WASF3: variants seen among roughly 807,000 people sequenced by gnomAD.
WASF3 encodes the protein WASP family member 3, also known as actin-binding protein WASF3.
A neutral mutation model predicts 46.6 loss-of-function variants in WASF3; 11 were observed. The observed-to-expected ratio is 0.24, with a 90% CI of 0.15 to 0.39. WASF3 has a LOEUF of 0.39. Among genes scored for constraint, WASF3 ranks in the 10% least tolerant of loss-of-function variants. WASF3 has a pLI of 1.00. For missense variants in WASF3, 576 were observed against 669.8 expected, an observed-to-expected ratio of 0.86 and a Z score of 1.55; for synonymous variants, 242 against 259.7, an observed-to-expected ratio of 0.93 and a Z score of 0.65.
At chr13:26,664,951 A>G in intron 3 of WASF3, 77 bp from the exon 4 acceptor site, 2 of 1,449,694 alleles carry the variant, frequency 1.4e-6, no homozygotes, top group Non-Finnish European at 1.9e-6. Context: ...GACAGGAATA[A>G]GCACTGGTGA....
intron 2 of WASF3, among the ~76,000 whole-genome samples, chr13:26,629,171 T>C (rs756077501): frequency 3.5e-4 from 53 of 152,208 alleles, no homozygotes; most frequent in African/African-American, 1.2e-3. Flanking sequence ...GGTGGACTTA[T>C]CGATGATGCA....
At chr13:26,580,087 ATTC>A (rs1411954049) in intron 1 of WASF3, among the ~76,000 whole-genome samples, 5 of 152,268 alleles carry the variant, frequency 3.3e-5, no homozygotes, top group East Asian at 1.9e-4. Context: ...GCCCAAGACA[ATTC>A]TTCTTCCAGT....
intron 1 of WASF3, among the ~76,000 whole-genome samples, chr13:26,582,150 G>A (rs568475749): frequency 1.3e-5 from 2 of 152,108 alleles, no homozygotes; most frequent in Admixed American, 6.5e-5. Context: ...AACAAAGTAG[G>A]TTATACATAA....
At chr13:26,598,928 T>C (rs1245002304) in intron 1 of WASF3, among the ~76,000 whole-genome samples, 1 of 152,226 alleles carries the variant, frequency 6.6e-6, no homozygotes, top group African/African-American at 2.4e-5. Flanking sequence ...TGGAGTGCAC[T>C]GGCACGATCT....
At chr13:26,685,561 C>T in intron 9 of WASF3, 127 bp from the exon 10 acceptor site, 1 of 1,195,982 alleles carries the variant, frequency 8.4e-7, no homozygotes, top group South Asian at 1.8e-5. Context: ...TTTCTCCCCT[C>T]AAATTTCTAA....
chr13:26,543,716 C>A, the WASF3 span, among the ~76,000 whole-genome samples: 1 of 152,130 alleles, frequency 6.6e-6, no homozygotes, highest in Non-Finnish European at 1.5e-5. Context: ...TCTATGGAAC[C>A]TGCCTCAAGG....
the WASF3 span, among the ~76,000 whole-genome samples, chr13:26,550,832 A>T: frequency 1.3e-5 from 2 of 152,062 alleles, no homozygotes; most frequent in Admixed American, 6.5e-5. Context: ...AAGTGGGGGC[A>T]ATGTGGGAGT....
chr13:26,615,614 TC>T (rs1194730359), intron 2 of WASF3, among the ~76,000 whole-genome samples: 1 of 152,200 alleles, frequency 6.6e-6, no homozygotes, highest in Non-Finnish European at 1.5e-5. Flanking sequence ...GCCCACAGAT[TC>T]ATTTTTAAAC....
intron 1 of WASF3, among the ~76,000 whole-genome samples, chr13:26,607,670 C>T (rs1007696885): frequency 6.6e-6 from 1 of 151,520 alleles, no homozygotes; most frequent in Non-Finnish European, 1.5e-5. Flanking sequence ...CTTGCTCTGT[C>T]GCCCAGACTG....
intron 3 of WASF3, among the ~76,000 whole-genome samples, chr13:26,649,312 GAGAAACAGAAGAC>G (rs1882242561): frequency 6.6e-6 from 1 of 152,166 alleles, no homozygotes; most frequent in African/African-American, 2.4e-5. Context: ...CTGTGATCAA[GAGAAACAGAAGAC>G]AGTCAGTAGA....
chr13:26,598,677 G>A (rs562758606), intron 1 of WASF3, among the ~76,000 whole-genome samples: 5 of 152,146 alleles, frequency 3.3e-5, no homozygotes, highest in African/African-American at 9.7e-5. Flanking sequence ...TTTTCACTCC[G>A]AACCCCAGTA....
At chr13:26,681,791 C>A (rs1166386084) in intron 8 of WASF3, among the ~76,000 whole-genome samples, 1 of 152,084 alleles carries the variant, frequency 6.6e-6, no homozygotes, top group Non-Finnish European at 1.5e-5. Flanking sequence ...CTGCCCCAGG[C>A]CCTCCTGTTC....
chr13:26,555,384 T>A (rs559112130), upstream of WASF3, among the ~76,000 whole-genome samples: 17 of 152,296 alleles, frequency 1.1e-4, no homozygotes, highest in Admixed American at 1.1e-3. Flanking sequence ...AAGGTCTGCA[T>A]TCCTCTTTTC....
At chr13:26,600,929 A>G (rs902688719) in intron 1 of WASF3, among the ~76,000 whole-genome samples, 3 of 152,148 alleles carry the variant, frequency 2.0e-5, no homozygotes, top group African/African-American at 4.8e-5. Flanking sequence ...GTGGCAGGGT[A>G]GAGATGATTA....
At chr13:26,610,948 T>C (rs954329431) in intron 1 of WASF3, among the ~76,000 whole-genome samples, 2 of 151,974 alleles carry the variant, frequency 1.3e-5, no homozygotes, top group African/African-American at 4.8e-5. Flanking sequence ...ATGTTAGAAA[T>C]GTTAGCAGCT....
chr13:26,584,637 T>A (rs1880077874), intron 1 of WASF3, among the ~76,000 whole-genome samples: 1 of 152,234 alleles, frequency 6.6e-6, no homozygotes, highest in East Asian at 1.9e-4. Context: ...TGTCTTGAGT[T>A]TAATTATTTC....
chr13:26,649,419 C>A (rs1882246593), intron 3 of WASF3, among the ~76,000 whole-genome samples: 1 of 152,128 alleles, frequency 6.6e-6, no homozygotes, highest in Non-Finnish European at 1.5e-5. Context: ...GAAGGGGCAT[C>A]CAGTTTCTGA....
intron 7 of WASF3, chr13:26,680,245 C>A: frequency 6.6e-7 from 1 of 1,518,722 alleles, no homozygotes; most frequent in East Asian, 2.3e-5. Context: ...TCAGACTGCC[C>A]CTGCTTCTGC....
At chr13:26,630,444 A>G (rs1881615992) in intron 2 of WASF3, among the ~76,000 whole-genome samples, 1 of 150,106 alleles carries the variant, frequency 6.7e-6, no homozygotes. Context: ...TTTGCTGAGA[A>G]GGATGGTTTC....
Sources: allele counts gnomAD v4.1 joint callset (sites outside exome capture counted in the v4.1 genomes callset), GRCh38; gene constraint gnomAD v4.1.1; transcripts MANE v1.5; gene names NCBI Gene and HGNC (gene_info 2026-07-23, HGNC 2026-07-21).